The following ABCC4 variants were observed in gnomAD, a reference collection of about 807,000 sequenced individuals.
The protein encoded by ABCC4 is ATP-binding cassette sub-family C member 4.
In ABCC4, 102 loss-of-function variants were observed where a neutral mutation model predicts 168.5. The observed-to-expected ratio is 0.61, with a 90% CI of 0.52 to 0.71. The LOEUF (loss-of-function observed/expected upper bound fraction) is 0.71. ABCC4 is among the 30% of genes least tolerant of loss of function. The pLI, the probability that ABCC4 is intolerant of heterozygous loss-of-function variation, is 0.00. For synonymous variants in ABCC4, 617 were observed against 590.7 expected (o/e 1.04, Z -0.65); for missense variants, 1,402 against 1,605.8 (o/e 0.87, Z 2.17).
intron 20 of ABCC4, among the ~76,000 whole-genome samples, chr13:95,106,752 T>C (rs2035020186): frequency 8.5e-6 from 1 of 117,696 alleles, no homozygotes; most frequent in Non-Finnish European, 1.7e-5. Context: ...TGACACAGGA[T>C]AGTAGGGTTG....
Position 95,209,161 on chromosome 13 carries a change from A to C in ABCC4, c.785+273T>G, listed in dbSNP as rs115892372. ...CATTATATGTTTAACTAACTTCTAC[A>C]TATGTGATTTCTGCTTAAGGACACT... On this transcript the variant is annotated intron_variant, in intron 6 of 30. Transcript: ENST00000645237. 4.6e-3 allele frequency among the ~76,000 whole-genome samples: 704 copies of C among 152,300 alleles called. 5 individuals carry two copies. Among genetic ancestry groups the C allele is most frequent in the African/African-American group, 0.016 (667 of 41,552 alleles).
intron 20 of ABCC4, among the ~76,000 whole-genome samples, chr13:95,101,823 G>C (rs149116510): frequency 1.3e-4 from 20 of 152,276 alleles, no homozygotes; most frequent in Middle Eastern, 3.4e-3. Flanking sequence ...TTATGGGTCT[G>C]GTAACTGTCT....
At position 95,020,578 on chromosome 13, in the gene ABCC4, C is replaced by T. The variant is rs1337189311; in HGVS notation, c.*997G>A. The T allele has an allele frequency of 6.6e-6, 1 of 152,322 alleles. No individual in the cohort carries two copies. Among genetic ancestry groups the T allele is most frequent in the Non-Finnish European group, 1.5e-5 (1 of 68,022 alleles). 9.4% of individuals were successfully genotyped at this position (152,322 alleles called of 1,614,324 possible). ...TGAACCCCTGGATGCATCCTGAGAA[C>T]GTACTGCATAATTATAGTCAATGCT... On this transcript the variant is annotated 3_prime_UTR_variant, in exon 31 of 31. Transcript: ENST00000645237.
At chr13:95,153,473 G>C (rs901031131) in intron 19 of ABCC4, among the ~76,000 whole-genome samples, 1 of 151,834 alleles carries the variant, frequency 6.6e-6, no homozygotes, top group African/African-American at 2.4e-5. Context: ...GAGAGAGACA[G>C]AGAGAGAGAG....
At chr13:95,238,739 G>C (rs539051053) in intron 3 of ABCC4, among the ~76,000 whole-genome samples, 5 of 152,104 alleles carry the variant, frequency 3.3e-5, no homozygotes, top group Admixed American at 6.5e-5. Flanking sequence ...TATTTTTTTA[G>C]TAGAGACAGG....
chr13:95,259,216 A>G (rs758337821), intron 1 of ABCC4, among the ~76,000 whole-genome samples: 1 of 152,050 alleles, frequency 6.6e-6, no homozygotes. Context: ...GAGAAATCCT[A>G]TCTCTACTAA....
chr13:95,051,489 TC>T (rs2032828289), intron 27 of ABCC4, among the ~76,000 whole-genome samples: 3 of 150,660 alleles, frequency 2.0e-5, no homozygotes, highest in Admixed American at 6.6e-5. Flanking sequence ...CCACCTCAAC[TC>T]CCTGAGTAGC....
At chr13:95,137,665 T>C (rs2036183999) in intron 19 of ABCC4, among the ~76,000 whole-genome samples, 1 of 152,010 alleles carries the variant, frequency 6.6e-6, no homozygotes. Context: ...ATTCGAAAGA[T>C]GGGGGGGAAC....
At chr13:95,201,246 A>C (rs931328565) in intron 8 of ABCC4, among the ~76,000 whole-genome samples, 38 of 152,228 alleles carry the variant, frequency 2.5e-4, no homozygotes, top group African/African-American at 8.4e-4. Context: ...AGGAATTTCA[A>C]GCCTTAGACA....
At chr13:95,170,126 G>C (rs2037418456) in intron 14 of ABCC4, 2 of 155,144 alleles carry the variant, frequency 1.3e-5, no homozygotes. Context: ...CCAAAGTGCT[G>C]GGATTACAGG....
At position 95,044,433 on chromosome 13, in the gene ABCC4, T is replaced by C. The variant is rs368708883; in HGVS notation, c.3462A>G (p.Gln1154=). The change falls in exon 28 of 31, where the codon CAA becomes CAG. Residue 1154 remains glutamine (Q), a synonymous_variant. Transcript: ENST00000645237. ...GAAGATCTTCAATGGTTTCTTTAAG[T>C]TGTACCTGTAGATGTACAAAGAAGA... is the stretch of plus-strand genomic sequence containing the variant. ...EELWNALQEV[Q]LKETIEDLPG... 43 of 1,610,374 alleles carry C rather than the reference T, an allele frequency of 2.7e-5. No homozygotes were observed. The African/African-American group carries it at 5.6e-4, about 21-fold the overall frequency.
chr13:95,219,028 AAAG>A (rs2039236315), intron 4 of ABCC4, among the ~76,000 whole-genome samples: 1 of 152,050 alleles, frequency 6.6e-6, no homozygotes, highest in South Asian at 2.1e-4. Flanking sequence ...GAAGGAAGGA[AAAG>A]AAAAGAAAGG....
At chr13:95,132,566 C>T (rs1471574013) in intron 19 of ABCC4, among the ~76,000 whole-genome samples, 1 of 152,062 alleles carries the variant, frequency 6.6e-6, no homozygotes, top group East Asian at 1.9e-4. Context: ...TGCCTAAATA[C>T]AATGTAAGTG....
Position 95,043,693 on chromosome 13 carries a change from C to A in ABCC4, c.3724G>T (p.Asp1242Tyr). ...GGTGAAGGACTCACCATTATCTTGT[C>A]GCTGTCAATAATGGTGTTCAATCTG... ...AHRLNTIIDS[D>Y]KIMVLDSGRL... Residue 1242 changes from aspartate to tyrosine, a missense_variant, in exon 29 of 31, where the codon GAC becomes TAC. By Grantham distance (160) the Asp-to-Tyr change is radical. Coordinates refer to ENST00000645237, the MANE Select transcript of ABCC4 (RefSeq NM_005845.5). 6.2e-7 allele frequency: 1 copy of A among 1,610,998 alleles called. No homozygotes were observed.
In ABCC4 at chr13:95,171,669, T is replaced by G. The variant is rs187102803; in HGVS notation, c.1728-1041A>C. 2.8e-3 allele frequency among the ~76,000 whole-genome samples: 427 copies of G among 152,300 alleles called. 4 individuals carry two copies. The highest frequency in any genetic ancestry group is 9.9e-3 in the African/African-American group (410 of 41,560). ...TAAGTGTTAGCCCTGTCCTCCAGTC[T>G]TCCTCATATGCAGCCACTGCTTTTA... is the stretch of plus-strand genomic sequence containing the variant. On this transcript the variant is annotated intron_variant, in intron 13 of 30. Transcript: ENST00000645237.
intron 26 of ABCC4, chr13:95,053,958 C>T (rs903469771): frequency 5.3e-5 from 5 of 93,878 alleles, no homozygotes; most frequent in African/African-American, 2.1e-4. Flanking sequence ...GCCTGGGCAA[C>T]AAGAGCAAAA....
intron 19 of ABCC4, among the ~76,000 whole-genome samples, chr13:95,123,215 A>G (rs34556191): frequency 0.096 from 14,603 of 152,206 alleles, 962 homozygotes; most frequent in Non-Finnish European, 0.14. Flanking sequence ...GGGTAACAAT[A>G]ATCTCCTACT....
intron 1 of ABCC4, among the ~76,000 whole-genome samples, chr13:95,260,782 T>G (rs1222543880): frequency 6.6e-6 from 1 of 152,104 alleles, no homozygotes; most frequent in Non-Finnish European, 1.5e-5. Context: ...TGAATGTTTT[T>G]AAGCTACTTT....
At chr13:95,043,646 T>C (rs2032454048) in intron 29 of ABCC4, 36 bp downstream of exon 29, 1 of 1,515,644 alleles carries the variant, frequency 6.6e-7, no homozygotes, top group Non-Finnish European at 9.1e-7. Context: ...TGAACATAAT[T>C]GGGAGCAACA....
Sources: allele counts gnomAD v4.1 joint callset (sites outside exome capture counted in the v4.1 genomes callset), GRCh38; gene constraint gnomAD v4.1.1; transcripts MANE v1.5; gene names NCBI Gene and HGNC (gene_info 2026-07-23, HGNC 2026-07-21).